The following CTDSP2 variants were observed in gnomAD, a reference collection of about 807,000 sequenced individuals.
CTDSP2 encodes carboxy-terminal domain RNA polymerase II polypeptide A small phosphatase 2.
Under a neutral mutation model 31.6 loss-of-function variants are expected in CTDSP2, and 9 were observed. That is an observed-to-expected ratio of 0.28 (90% confidence interval 0.17 to 0.50). CTDSP2 has a LOEUF of 0.50. Among genes scored for constraint, CTDSP2 ranks in the 20% least tolerant of loss-of-function variants. CTDSP2 has a pLI of 0.98. For synonymous variants in CTDSP2, 134 were observed against 134.5 expected (o/e 1.00, Z 0.03); for missense variants, 267 against 348.5 (o/e 0.77, Z 1.86).
chr12:57,845,683 C>T (rs1337309545), intron 1 of CTDSP2: 1 of 152,470 alleles, frequency 6.6e-6, no homozygotes, highest in Non-Finnish European at 1.5e-5. Context: ...TCTGGCCGGG[C>T]CTCAGGGTCG....
In CTDSP2 at chr12:57,826,976, G is replaced by T; in HGVS notation, c.354+20C>A. 6.4e-7 allele frequency: 1 copy of T among 1,563,254 alleles called. No homozygotes were observed. Among genetic ancestry groups the T allele is most frequent in the Non-Finnish European group, 8.8e-7 (1 of 1,136,150 alleles). On this transcript the variant is annotated intron_variant, in intron 4 of 7. Coordinates refer to ENST00000398073, the MANE Select transcript of CTDSP2 (RefSeq NM_005730.4). ...GAAGGCCCAAGATAAAGGTAGGAAG[G>T]GTTCCAGACATTGAGTTACCTTAAA...
chr12:57,832,923 C>G (rs907399025), intron 1 of CTDSP2, among the ~76,000 whole-genome samples: 1 of 152,014 alleles, frequency 6.6e-6, no homozygotes, highest in African/African-American at 2.4e-5. Flanking sequence ...CCCACCTTGC[C>G]TGCATGGCTC....
chr12:57,831,004 T>C (rs1403189369), intron 1 of CTDSP2, among the ~76,000 whole-genome samples: 4 of 150,610 alleles, frequency 2.7e-5, no homozygotes, highest in African/African-American at 9.8e-5. Context: ...CATCTCGGCC[T>C]TCCAAAGTGC....
At chr12:57,836,276 TA>T (rs1956246906) in intron 1 of CTDSP2, among the ~76,000 whole-genome samples, 1 of 152,222 alleles carries the variant, frequency 6.6e-6, no homozygotes. Context: ...CAAAAGCAAG[TA>T]AGACTGTTTC....
Position 57,823,367 on chromosome 12 carries a change from T to A in CTDSP2, c.*235A>T, listed in dbSNP as rs1055965937. On this transcript the variant is annotated 3_prime_UTR_variant, in exon 8 of 8. Transcript: ENST00000398073. ...GCAAAACACACACACAAACACACACTCTCTCACAGTCAAACACACATCTCA... is the reference window on the plus strand; with the variant it reads ...GCAAAACACACACACAAACACACACACTCTCACAGTCAAACACACATCTCA... 5.6e-5 allele frequency: 31 copies of A among 556,458 alleles called. No homozygotes were observed. Among genetic ancestry groups the A allele is most frequent in the Non-Finnish European group, 9.4e-5 (29 of 309,350 alleles). The allele number at this position is 556,458 out of a possible 1,614,324, so 34.5% of individuals were successfully genotyped here.
chr12:57,842,991 GTC>G (rs1382666916), intron 1 of CTDSP2, among the ~76,000 whole-genome samples: 5 of 152,214 alleles, frequency 3.3e-5, no homozygotes, highest in Non-Finnish European at 5.9e-5. Context: ...GAGATGGTCA[GTC>G]TCTCAGAAGA....
intron 1 of CTDSP2, among the ~76,000 whole-genome samples, chr12:57,841,814 A>G (rs1026783855): frequency 3.9e-5 from 6 of 152,222 alleles, no homozygotes; most frequent in East Asian, 1.9e-4. Context: ...CTATGTAAAG[A>G]GGGAGGACAT....
intron 1 of CTDSP2, among the ~76,000 whole-genome samples, chr12:57,833,231 G>A (rs901613976): frequency 6.6e-6 from 1 of 152,198 alleles, no homozygotes; most frequent in Non-Finnish European, 1.5e-5. Flanking sequence ...CCTGGCTTGC[G>A]CCCGCTGCAG....
intron 4 of CTDSP2, 146 bp from the exon 5 acceptor site, chr12:57,826,548 T>C: frequency 1.4e-6 from 1 of 697,862 alleles, no homozygotes; most frequent in Non-Finnish European, 2.5e-6. Flanking sequence ...CTCACCCTAG[T>C]TCAAGATGTG....
At chr12:57,836,208 C>A (rs1358506142) in intron 1 of CTDSP2, among the ~76,000 whole-genome samples, 1 of 152,160 alleles carries the variant, frequency 6.6e-6, no homozygotes, top group Non-Finnish European at 1.5e-5. Flanking sequence ...TCTCCCAAGT[C>A]CACAACAAAA....
intron 2 of CTDSP2, among the ~76,000 whole-genome samples, chr12:57,828,888 G>C (rs1956198917): frequency 6.6e-6 from 1 of 152,246 alleles, no homozygotes; most frequent in South Asian, 2.1e-4. Context: ...CAAATGCCTT[G>C]CATGAGTATG....
rs1264306882 is a variant in CTDSP2, at chr12:57,846,387, C to G, written c.49G>C (p.Val17Leu). Residue 17 changes from valine to leucine, a missense_variant, in exon 1 of 8, where the codon GTG becomes CTG. Transcript: ENST00000398073. ...ITQARREDALVLTKQGLVSKS... is the reference protein window; with the variant it reads ...ITQARREDALLLTKQGLVSKS... ...CTGCCCCTACCTTGCTTGGTGAGCA[C>G]CAGGGCGTCTTCCCTCCGCGCCTGG... 4 of 1,608,500 alleles carry G rather than the reference C, an allele frequency of 2.5e-6. No individual in the cohort carries two copies. The African/African-American group carries it at 5.4e-5, about 22-fold the overall frequency.
intron 7 of CTDSP2, 31 bp downstream of exon 7, chr12:57,823,873 C>T: frequency 1.2e-6 from 2 of 1,612,108 alleles, no homozygotes; most frequent in African/African-American, 1.3e-5. Flanking sequence ...TCTCCCAATC[C>T]CTACCGTGGA....
At chr12:57,840,010 T>C (rs1027274719) in intron 1 of CTDSP2, among the ~76,000 whole-genome samples, 5 of 152,118 alleles carry the variant, frequency 3.3e-5, no homozygotes, top group Non-Finnish European at 7.4e-5. Context: ...CTGAAAACTT[T>C]AGGACTCCCC....
rs745852052 is a variant in CTDSP2 at position 57,823,045 on chromosome 12, C to G, written c.*557G>C. 1 of 156,172 alleles carries G rather than the reference C, an allele frequency of 6.4e-6. No individual in the cohort carries two copies. The highest frequency in any genetic ancestry group is 2.4e-5 in the African/African-American group (1 of 41,500). 9.7% of individuals were successfully genotyped at this position (156,172 alleles called of 1,614,324 possible). ...TGGCCACTGGATGCTGGTCTGGAAA[C>G]AAGTTCTCATCTTCCCAGAAATGTG... On this transcript the variant is annotated 3_prime_UTR_variant, in exon 8 of 8. Coordinates refer to ENST00000398073, the MANE Select transcript of CTDSP2 (RefSeq NM_005730.4).
intron 1 of CTDSP2, among the ~76,000 whole-genome samples, chr12:57,841,067 C>T (rs752582134): frequency 6.6e-5 from 10 of 152,178 alleles, no homozygotes; most frequent in Non-Finnish European, 1.3e-4. Context: ...CTAGTACTTT[C>T]TTTGTAAGAT....
rs1956318543 is a variant in CTDSP2 at position 57,846,548 on chromosome 12, TCC to T, written c.-115_-114del. 1 of 826,852 alleles carries T rather than the reference TCC, an allele frequency of 1.2e-6. No individual in the cohort carries two copies. The highest frequency in any genetic ancestry group is 1.8e-6 in the Non-Finnish European group (1 of 565,878). 51.2% of individuals were successfully genotyped at this position (826,852 alleles called of 1,614,324 possible). A position where few individuals can be genotyped will look rare whatever the true frequency, so the allele number is the denominator to read the frequency against. The stretch of plus-strand genomic sequence containing the variant: ...CGCTCCGGCTCCCGAGACTCCGACT[TCC>T]ACAGCTGTTCACATCCCCCCTCTCG... On this transcript the variant is annotated 5_prime_UTR_variant, in exon 1 of 8. Coordinates refer to ENST00000398073, the MANE Select transcript of CTDSP2 (RefSeq NM_005730.4).
intron 1 of CTDSP2, among the ~76,000 whole-genome samples, chr12:57,840,224 G>A (rs1265189674): frequency 6.6e-6 from 1 of 152,206 alleles, no homozygotes; most frequent in African/African-American, 2.4e-5. Flanking sequence ...ATCCCAGGTG[G>A]GGGGTCTGTA....
intron 1 of CTDSP2, among the ~76,000 whole-genome samples, chr12:57,845,288 G>T (rs942101030): frequency 3.9e-5 from 6 of 152,226 alleles, no homozygotes; most frequent in Non-Finnish European, 8.8e-5. Context: ...CGGAAAATCT[G>T]CCGCTATTTT....
Sources: allele counts gnomAD v4.1 joint callset (sites outside exome capture counted in the v4.1 genomes callset), GRCh38; gene constraint gnomAD v4.1.1; transcripts MANE v1.5; gene names NCBI Gene and HGNC (gene_info 2026-07-23, HGNC 2026-07-21).